SGCZ: variants seen among roughly 807,000 people sequenced by gnomAD.
The protein encoded by SGCZ is sarcoglycan zeta, also known as zeta-sarcoglycan.
A neutral mutation model predicts 41.3 loss-of-function variants in SGCZ; 40 were observed. That is an observed-to-expected ratio of 0.97 (90% confidence interval 0.75 to 1.26). The LOEUF is 1.26. SGCZ is among the 50% of genes most tolerant of loss of function. The pLI is 0.00. For missense variants in SGCZ, 552 were observed against 369.8 expected (o/e 1.49, Z -4.04); for synonymous variants, 206 against 137.5 (o/e 1.50, Z -3.49).
intron 3 of SGCZ, among the ~76,000 whole-genome samples, chr8:14,244,893 TTGTC>T (rs1400691011): frequency 6.6e-6 from 1 of 152,002 alleles, no homozygotes; most frequent in African/African-American, 2.4e-5. Flanking sequence ...GGCTCTCTGT[TTGTC>T]TGTTATTGGT....
chr8:14,785,900 T>C (rs1246022887), intron 1 of SGCZ, among the ~76,000 whole-genome samples: 1 of 152,040 alleles, frequency 6.6e-6, no homozygotes, highest in African/African-American at 2.4e-5. Context: ...GCTGTGCCAC[T>C]TGCTTTTGGT....
chr8:15,010,800 A>G (rs1489321150), intron 1 of SGCZ, among the ~76,000 whole-genome samples: 3 of 152,290 alleles, frequency 2.0e-5, no homozygotes, highest in Middle Eastern at 3.4e-3. Flanking sequence ...ATCTCCTCTC[A>G]AGGTCCTTGT....
chr8:14,356,038 T>C (rs1194932655), intron 2 of SGCZ, among the ~76,000 whole-genome samples: 1 of 152,184 alleles, frequency 6.6e-6, no homozygotes, highest in Non-Finnish European at 1.5e-5. Flanking sequence ...TGCAGTTTCA[T>C]ATTCTCTCAT....
At chr8:14,998,044 T>C (rs1191361114) in intron 1 of SGCZ, among the ~76,000 whole-genome samples, 1 of 152,152 alleles carries the variant, frequency 6.6e-6, no homozygotes, top group African/African-American at 2.4e-5. Flanking sequence ...GTTCCTCCCT[T>C]TTGTCAGAAA....
intron 1 of SGCZ, among the ~76,000 whole-genome samples, chr8:15,138,603 A>T (rs1430471936): frequency 1.3e-5 from 2 of 152,132 alleles, no homozygotes. Context: ...TGGTGGTTTT[A>T]TAAGTGTCTG....
At chr8:14,453,992 A>AC (rs566412247) in intron 2 of SGCZ, among the ~76,000 whole-genome samples, 17 of 109,648 alleles carry the variant, frequency 1.6e-4, no homozygotes, top group Admixed American at 5.6e-4. Flanking sequence ...ACAGTGACAC[A>AC]AAAAAAAAAT....
intron 2 of SGCZ, among the ~76,000 whole-genome samples, chr8:14,360,483 A>G (rs1273776008): frequency 1.3e-5 from 2 of 151,542 alleles, no homozygotes; most frequent in East Asian, 1.9e-4. Context: ...GCATCACCAC[A>G]CCCAGCTAAT....
intron 1 of SGCZ, among the ~76,000 whole-genome samples, chr8:14,598,844 A>G (rs1047595805): frequency 2.0e-5 from 3 of 152,140 alleles, no homozygotes; most frequent in African/African-American, 7.2e-5. Flanking sequence ...ATATTTAAAA[A>G]TATTAGACAC....
intron 2 of SGCZ, among the ~76,000 whole-genome samples, chr8:14,409,432 T>C (rs1317949438): frequency 6.6e-6 from 1 of 152,026 alleles, no homozygotes; most frequent in Non-Finnish European, 1.5e-5. Context: ...TCTATTTTGG[T>C]CAGCTTAGAC....
intron 1 of SGCZ, among the ~76,000 whole-genome samples, chr8:15,129,644 T>C (rs527919495): frequency 4.3e-4 from 59 of 137,744 alleles, no homozygotes; most frequent in Non-Finnish European, 8.0e-4. Flanking sequence ...ATCATTGAAA[T>C]AGAGGCGTGT....
At chr8:15,209,924 G>A (rs1457327604) in intron 1 of SGCZ, among the ~76,000 whole-genome samples, 3 of 152,100 alleles carry the variant, frequency 2.0e-5, no homozygotes, top group African/African-American at 7.2e-5. Context: ...ATGTAATTTT[G>A]ACCAATTATA....
chr8:14,979,341 C>G (rs1469095755), intron 1 of SGCZ, among the ~76,000 whole-genome samples: 2 of 152,086 alleles, frequency 1.3e-5, no homozygotes. Flanking sequence ...ATTTCATCTT[C>G]AATGTATTTA....
intron 2 of SGCZ, among the ~76,000 whole-genome samples, chr8:14,424,136 G>A (rs1186007539): frequency 6.6e-6 from 1 of 152,076 alleles, no homozygotes; most frequent in Non-Finnish European, 1.5e-5. Flanking sequence ...AAGTCAAATA[G>A]GTGTGAAACA....
intron 2 of SGCZ, among the ~76,000 whole-genome samples, chr8:14,402,470 G>A (rs1344237340): frequency 6.6e-6 from 1 of 151,302 alleles, no homozygotes; most frequent in Non-Finnish European, 1.5e-5. Context: ...TTTGTATAAG[G>A]TGTAAGGAAG....
At chr8:14,909,476 TAA>T (rs540671224) in intron 1 of SGCZ, among the ~76,000 whole-genome samples, 205 of 152,286 alleles carry the variant, frequency 1.3e-3, no homozygotes, top group African/African-American at 4.7e-3. Context: ...TTTAAAATCT[TAA>T]GAGGTTATCT....
At chr8:15,186,587 C>T (rs1800352532) in intron 1 of SGCZ, among the ~76,000 whole-genome samples, 1 of 152,114 alleles carries the variant, frequency 6.6e-6, no homozygotes, top group Non-Finnish European at 1.5e-5. Flanking sequence ...TGTTGATTCC[C>T]ATATCATAAT....
At chr8:14,371,816 C>G (rs1211026838) in intron 2 of SGCZ, among the ~76,000 whole-genome samples, 1 of 151,888 alleles carries the variant, frequency 6.6e-6, no homozygotes, top group Non-Finnish European at 1.5e-5. Context: ...ATTTGTTGTA[C>G]ACATGTATAA....
At chr8:15,105,160 C>T (rs887871321) in intron 1 of SGCZ, among the ~76,000 whole-genome samples, 1 of 152,186 alleles carries the variant, frequency 6.6e-6, no homozygotes, top group Non-Finnish European at 1.5e-5. Flanking sequence ...ATCCAAAAGT[C>T]TATTCAAGAC....
At chr8:14,403,553 G>A (rs191235552) in intron 2 of SGCZ, among the ~76,000 whole-genome samples, 30 of 152,184 alleles carry the variant, frequency 2.0e-4, no homozygotes, top group Admixed American at 6.5e-4. Flanking sequence ...TAACCATGTG[G>A]TTTTTGTCTT....
Sources: allele counts gnomAD v4.1 joint callset (sites outside exome capture counted in the v4.1 genomes callset), GRCh38; gene constraint gnomAD v4.1.1; transcripts MANE v1.5; gene names NCBI Gene and HGNC (gene_info 2026-07-23, HGNC 2026-07-21).